The following BCR variants were observed in gnomAD, a reference collection of about 807,000 sequenced individuals.
BCR encodes the protein BCR activator of RhoGEF and GTPase, also known as breakpoint cluster region protein.
A neutral mutation model predicts 138.6 loss-of-function variants in BCR; 58 were observed. That is an observed-to-expected ratio of 0.42 (90% CI 0.34 to 0.52). The LOEUF (loss-of-function observed/expected upper bound fraction) is 0.52, where lower values mean the gene tolerates loss of function less well. Among genes scored for constraint, BCR ranks in the 20% least tolerant of loss-of-function variants. BCR has a pLI of 0.06. For synonymous variants in BCR, 786 were observed against 730.1 expected (o/e 1.08, Z -1.23); for missense variants, 1,599 against 1,727.2 (o/e 0.93, Z 1.32).
chr22:23,274,087 A>T (rs9612273), intron 8 of BCR, among the ~76,000 whole-genome samples: 35,094 of 151,998 alleles, frequency 0.23, 4,423 homozygotes, highest in Middle Eastern at 0.3. Context: ...TTGCCAGCTC[A>T]GGCTCCCCAG....
chr22:23,236,555 A>G (rs1456900887), intron 1 of BCR, among the ~76,000 whole-genome samples: 1 of 152,212 alleles, frequency 6.6e-6, no homozygotes, highest in African/African-American at 2.4e-5. Flanking sequence ...GGCAACGCAC[A>G]CCTACTAGCC....
At chr22:23,232,179 GA>G (rs1182647977) in intron 1 of BCR, among the ~76,000 whole-genome samples, 2 of 152,262 alleles carry the variant, frequency 1.3e-5, no homozygotes, top group African/African-American at 4.8e-5. Context: ...GCCCAGTAGG[GA>G]TGATAGGACC....
chr22:23,203,474 C>T (rs893896300), intron 1 of BCR, among the ~76,000 whole-genome samples: 2 of 152,190 alleles, frequency 1.3e-5, no homozygotes, highest in Non-Finnish European at 2.9e-5. Context: ...TCCAGAGAAG[C>T]AGAATCTGAG....
chr22:23,221,403 C>T (rs1025988786), intron 1 of BCR, among the ~76,000 whole-genome samples: 6 of 152,198 alleles, frequency 3.9e-5, no homozygotes, highest in African/African-American at 1.4e-4. Context: ...CACCCTGTTC[C>T]CCTTCATCAG....
At chr22:23,263,040 A>C (rs1023837543) in intron 4 of BCR, 1 of 762,318 alleles carries the variant, frequency 1.3e-6, no homozygotes, top group African/African-American at 1.8e-5. Flanking sequence ...GGAGGAATGG[A>C]GGGTCAGGGC....
chr22:23,218,677 G>A (rs1487732719), intron 1 of BCR, among the ~76,000 whole-genome samples: 1 of 152,238 alleles, frequency 6.6e-6, no homozygotes, highest in Non-Finnish European at 1.5e-5. Context: ...CAAGCCACAA[G>A]TGACTGGACA....
At chr22:23,237,430 A>G (rs142740009) in intron 1 of BCR, among the ~76,000 whole-genome samples, 11 of 152,326 alleles carry the variant, frequency 7.2e-5, no homozygotes, top group East Asian at 1.9e-4. Context: ...CACACCCACA[A>G]TGACAGCTGG....
chr22:23,264,146 C>T, intron 4 of BCR: 1 of 1,518,136 alleles, frequency 6.6e-7, no homozygotes, highest in Non-Finnish European at 9.1e-7. Context: ...CCCTGTACTG[C>T]CTGCAGACAG....
rs778656993 is a variant in BCR at position 23,181,463 on chromosome 22, C to G, written c.503C>G (p.Pro168Arg). ...FERIRKGHGQ[P>R]GADAEKPFYV... ...CGGATCCGCAAGGGCCATGGCCAGC[C>G]CGGGGCGGACGCCGAGAAGCCCTTC... Residue 168 changes from proline (P) to arginine (R), a missense_variant, in exon 1 of 23, where the codon CCC becomes CGC. Physicochemically the swap from Pro to Arg is moderately radical, Grantham distance 103. This residue lies in a region of BCR where 806 missense variants were observed against 635.0 expected (regional missense o/e 1.27). Coordinates refer to ENST00000305877, the MANE Select transcript of BCR (RefSeq NM_004327.4). 6.2e-7 allele frequency: 1 copy of G among 1,608,622 alleles called. No individual in the cohort carries two copies.
intron 1 of BCR, among the ~76,000 whole-genome samples, chr22:23,186,425 T>C (rs1378489331): frequency 6.6e-6 from 1 of 152,236 alleles, no homozygotes; most frequent in Non-Finnish European, 1.5e-5. Context: ...ATTTTAACCA[T>C]TTTTATCCAT....
rs1472023114 is a variant in BCR at position 23,180,911 on chromosome 22, G to A, written c.-50G>A. 35 of 1,048,854 alleles carry A rather than the reference G, an allele frequency of 3.3e-5. 1 individual carries two copies. The African/African-American group carries it at 5.9e-4, about 18-fold the overall frequency. 65.0% of individuals were successfully genotyped at this position (1,048,854 alleles called of 1,614,324 possible). A position where few individuals can be genotyped will look rare whatever the true frequency, so the allele number is the denominator to read the frequency against. Reference sequence around the variant, plus strand: ...GCTGGCGAGGCGCCGCGCCGCCGCTGAGACGGGCCCCGCGCGCAGCCCGGC... The same window carrying A: ...GCTGGCGAGGCGCCGCGCCGCCGCTAAGACGGGCCCCGCGCGCAGCCCGGC... On this transcript the variant is annotated 5_prime_UTR_variant, in exon 1 of 23. Coordinates refer to ENST00000305877, the MANE Select transcript of BCR (RefSeq NM_004327.4).
At chr22:23,311,941 T>C in intron 19 of BCR, 105 bp downstream of exon 19, 1 of 1,494,776 alleles carries the variant, frequency 6.7e-7, no homozygotes, top group Non-Finnish European at 9.0e-7. Context: ...CTTCTCTGTG[T>C]CTTTTCTTCA....
Position 23,288,181 on chromosome 22 carries a change from C to T in BCR, c.2602+9C>T. On this transcript the variant is annotated intron_variant, in intron 12 of 22. Transcript: ENST00000305877. Reference sequence around the variant, plus strand: ...GGAGCAGCAGAAGAAGTGTGAGTATCCTCTGTCCTGAGAGGGGCTGGGCTT... The same window carrying T: ...GGAGCAGCAGAAGAAGTGTGAGTATTCTCTGTCCTGAGAGGGGCTGGGCTT... The T allele has an allele frequency of 8.1e-6, 13 of 1,613,424 alleles. No homozygotes were observed. In the Middle Eastern group the frequency reaches 5.0e-4, roughly 62 times the overall value.
At chr22:23,269,114 C>T (rs567562504) in intron 5 of BCR, among the ~76,000 whole-genome samples, 3 of 152,368 alleles carry the variant, frequency 2.0e-5, no homozygotes, top group East Asian at 3.9e-4. Flanking sequence ...GTGGTGTTAG[C>T]GCCCAGGGCC....
intron 1 of BCR, among the ~76,000 whole-genome samples, chr22:23,189,129 G>A (rs1343484376): frequency 6.6e-6 from 1 of 152,082 alleles, no homozygotes; most frequent in Non-Finnish European, 1.5e-5. Context: ...CAAAATGTTG[G>A]GATTACAGGC....
intron 1 of BCR, among the ~76,000 whole-genome samples, chr22:23,225,010 G>A (rs897029562): frequency 9.9e-5 from 15 of 151,736 alleles, no homozygotes; most frequent in Non-Finnish European, 1.6e-4. Context: ...ACCGAGACCC[G>A]GCATTTGGAG....
chr22:23,204,034 A>G (rs770073946), intron 1 of BCR, among the ~76,000 whole-genome samples: 5 of 152,192 alleles, frequency 3.3e-5, no homozygotes, highest in Non-Finnish European at 7.3e-5. Context: ...GAAGGAGGGC[A>G]GATAATGGTG....
Position 23,314,709 on chromosome 22 carries a change from T to G in BCR, c.3721T>G (p.Ser1241Ala). Residue 1241 changes from serine (S) to alanine (A), a missense_variant, in exon 22 of 23, where the codon TCC becomes GCC. Coordinates refer to ENST00000305877, the MANE Select transcript of BCR (RefSeq NM_004327.4). ...MTDSWSLEVM[S>A]QVQVLLYFLQ... ...TGACAGCTGGTCCTTGGAGGTCATG[T>G]CCCAGGTATGGGAAGACAGGCTCCA... 1 of 1,611,666 alleles carries G rather than the reference T, an allele frequency of 6.2e-7. No individual in the cohort carries two copies. Among genetic ancestry groups the G allele is most frequent in the Non-Finnish European group, 8.5e-7 (1 of 1,179,842 alleles).
chr22:23,294,093 C>A (rs1027545511), intron 15 of BCR, among the ~76,000 whole-genome samples: 1 of 152,082 alleles, frequency 6.6e-6, no homozygotes, highest in African/African-American at 2.4e-5. Context: ...TTTTAAAGAG[C>A]GGTTTTAGGT....
Sources: allele counts gnomAD v4.1 joint callset (sites outside exome capture counted in the v4.1 genomes callset), GRCh38; gene constraint gnomAD v4.1.1; regional missense constraint gnomAD v4.1.1; transcripts MANE v1.5; gene names NCBI Gene and HGNC (gene_info 2026-07-23, HGNC 2026-07-21).